PALB2: variants seen among roughly 807,000 people sequenced by gnomAD.
The protein encoded by PALB2 is partner and localizer of BRCA2.
PALB2 carries 82 observed loss-of-function variants against 107.4 expected under a neutral mutation model. That is an observed-to-expected ratio of 0.76 (90% CI 0.64 to 0.92). The LOEUF (loss-of-function observed/expected upper bound fraction) is 0.92, where lower values mean the gene tolerates loss of function less well. Ranked by LOEUF, PALB2 falls within the 40% of genes least tolerant of loss-of-function variation. The pLI, the probability that PALB2 is intolerant of heterozygous loss-of-function variation, is 0.00. For missense variants in PALB2, 1,374 were observed against 1,379.9 expected (o/e 1.00, Z 0.07); for synonymous variants, 489 against 496.8 (o/e 0.98, Z 0.21).
chr16:23,604,201 A>G (rs1268742241), intron 12 of PALB2, among the ~76,000 whole-genome samples: 2 of 152,130 alleles, frequency 1.3e-5, no homozygotes, highest in Non-Finnish European at 2.9e-5. Context: ...TTCAGTGGGA[A>G]TTTCCCCCAC....
intron 10 of PALB2, 118 bp from the exon 11 acceptor site, chr16:23,614,209 T>G: frequency 1.4e-6 from 1 of 718,652 alleles, no homozygotes. Context: ...AACTAAGAGC[T>G]CCTTAGTTTT....
At chr16:23,627,041 A>G (rs1288292524) in intron 6 of PALB2, among the ~76,000 whole-genome samples, 1 of 152,206 alleles carries the variant, frequency 6.6e-6, no homozygotes, top group Non-Finnish European at 1.5e-5. Flanking sequence ...CATGGGCTGA[A>G]ACCACAGGTT....
At chr16:23,615,869 G>A (rs1966676251) in intron 10 of PALB2, among the ~76,000 whole-genome samples, 1 of 151,840 alleles carries the variant, frequency 6.6e-6, no homozygotes, top group South Asian at 2.1e-4. Context: ...ACACCATGTC[G>A]GCCAGGCTGG....
rs545664784 is a variant in PALB2, at chr16:23,606,821, C to CT, written c.3350+1042dup. ...TACAGGCGTGAGCCACTGCACCCTGCTTTTTTTTTTTTTTTTTTGAGACGG... is the reference window on the plus strand; with the variant it reads ...TACAGGCGTGAGCCACTGCACCCTGCTTTTTTTTTTTTTTTTTTTGAGACGG... On this transcript the variant is annotated intron_variant, in intron 12 of 12. Transcript: ENST00000261584. Among the ~76,000 whole-genome samples, 309 of 108,530 alleles carry CT rather than the reference C, an allele frequency of 2.8e-3. 5 individuals are homozygous for CT. Among genetic ancestry groups the CT allele is most frequent in the South Asian group, 0.013 (41 of 3,152 alleles). 71.2% of individuals were successfully genotyped at this position (108,530 alleles called of 152,430 possible).
At position 23,630,087 on chromosome 16, in the gene PALB2, C is replaced by T. The variant is rs371149159; in HGVS notation, c.2067G>A (p.Ser689=). The T allele has an allele frequency of 4.3e-5, 70 of 1,613,996 alleles. No individual in the cohort carries two copies. The East Asian group carries it at 5.6e-4, about 13-fold the overall frequency. ...GGCCCGTCTTTGTATGCTGGCTTTG[C>T]GAGTTTGGCCTTTTGGGATGTGATT... ...PGKSHPKRPN[S]QSQHTKTGLS... Residue 689 remains serine, a synonymous_variant, in exon 5 of 13, where the codon TCG becomes TCA. Coordinates refer to ENST00000261584, the MANE Select transcript of PALB2 (RefSeq NM_024675.4).
chr16:23,603,475 A>G lies in PALB2; in HGVS notation c.3545T>C (p.Val1182Ala), dbSNP rs747149179. 2.5e-6 allele frequency: 4 copies of G among 1,613,078 alleles called. No individual in the cohort carries two copies. In the South Asian group the frequency reaches 3.3e-5, roughly 13 times the overall value. ...LAGQKDGNIF[V>A]YHYS is the part of the protein sequence containing the mutation. ...TACCCTAACTTATGAATAGTGGTAT[A>G]CAAATATATTTCCATCTTTTTGTCC... The change falls in exon 13 of 13, where the codon GTA (valine) becomes GCA (alanine). Residue 1182 changes from valine (V) to alanine (A), a missense_variant. Val to Ala is a moderately conservative substitution (Grantham distance 64). Transcript: ENST00000261584.
At position 23,638,278 on chromosome 16, in the gene PALB2, G is replaced by A. The variant is rs549261478; in HGVS notation, c.49-149C>T. On this transcript the variant is annotated intron_variant, in intron 1 of 12. Coordinates refer to ENST00000261584, the MANE Select transcript of PALB2 (RefSeq NM_024675.4). ...ACTTTTGGTTCTCAAAAAGCACCAA[G>A]CTCTGACCATTTCAGGATCTTTGCA... The A allele has an allele frequency of 9.6e-6, 7 of 728,316 alleles. No homozygotes were observed. The African/African-American group carries it at 1.0e-4, about 11-fold the overall frequency. 45.1% of individuals were successfully genotyped at this position (728,316 alleles called of 1,614,324 possible).
rs545664784 is a variant in PALB2 at position 23,606,821 on chromosome 16, C to CTTTTTT, written c.3350+1037_3350+1042dup. Reference sequence around the variant, plus strand: ...TACAGGCGTGAGCCACTGCACCCTGCTTTTTTTTTTTTTTTTTTGAGACGG... The same window carrying CTTTTTT: ...TACAGGCGTGAGCCACTGCACCCTGCTTTTTTTTTTTTTTTTTTTTTTTTGAGACGG... On this transcript the variant is annotated intron_variant, in intron 12 of 12. Transcript: ENST00000261584. Among the ~76,000 whole-genome samples the CTTTTTT allele has an allele frequency of 3.0e-3, 326 of 108,510 alleles. 12 individuals are homozygous for CTTTTTT. The highest frequency in any genetic ancestry group is 5.0e-3 in the African/African-American group (127 of 25,566). 71.2% of individuals were successfully genotyped at this position (108,510 alleles called of 152,430 possible).
rs199919863 is a variant in PALB2 at position 23,635,712 on chromosome 16, T to A, written c.834A>T (p.Leu278=). The change falls in exon 4 of 13, where the codon CTA becomes CTT. Residue 278 remains leucine (L), a synonymous_variant. Coordinates refer to ENST00000261584, the MANE Select transcript of PALB2 (RefSeq NM_024675.4). ...KGSSELTTHD[L]KNIRFTSPVS... ...CAGGTGAAGTAAATCTAATGTTTTTTAGGTCGTGAGTAGTAAGTTCACTGC... is the reference window on the plus strand; with the variant it reads ...CAGGTGAAGTAAATCTAATGTTTTTAAGGTCGTGAGTAGTAAGTTCACTGC... 46 of 1,614,204 alleles carry A rather than the reference T, an allele frequency of 2.8e-5. No individual in the cohort carries two copies. Among genetic ancestry groups the A allele is most frequent in the South Asian group, 2.4e-4 (22 of 91,084 alleles).
chr16:23,635,220 A>T lies in PALB2; in HGVS notation c.1326T>A (p.Asn442Lys). ...AATTTTTACTTGCATCCTTATTTTT[A>T]TTTTTAAACCCTTTTTTCTTGACAT... Reference protein sequence around the residue: ...HLDVKKKGFKNKNKDASKNLN... With the variant: ...HLDVKKKGFKKKNKDASKNLN... Residue 442 changes from asparagine to lysine, a missense_variant, in exon 4 of 13, where the codon AAT becomes AAA. Physicochemically the swap from Asn to Lys is moderately conservative, Grantham distance 94 (BLOSUM62 0). Coordinates refer to ENST00000261584, the MANE Select transcript of PALB2 (RefSeq NM_024675.4). The T allele has an allele frequency of 6.2e-7, 1 of 1,614,030 alleles. No individual in the cohort carries two copies. Among genetic ancestry groups the T allele is most frequent in the Non-Finnish European group, 8.5e-7 (1 of 1,180,010 alleles).
At chr16:23,608,085 A>C in intron 11 of PALB2, 73 bp from the exon 12 acceptor site, 1 of 1,501,448 alleles carries the variant, frequency 6.7e-7, no homozygotes, top group South Asian at 1.1e-5. Context: ...GATCTGGCAG[A>C]GACAAAAACC....
rs776216257 is a variant in PALB2, at chr16:23,630,377, G to C, written c.1777C>G (p.His593Asp). ...LDDDAFTAPFHRDGMLSLKQL... is the reference protein window; with the variant it reads ...LDDDAFTAPFDRDGMLSLKQL... ...TTTAAACTCAGCATTCCATCCCTAT[G>C]AAATGGAGCCGTGAAAGCATCATCA... is the stretch of plus-strand genomic sequence containing the variant. Residue 593 changes from histidine (H) to aspartate (D), a missense_variant, in exon 5 of 13, where the codon CAT (histidine) becomes GAT (aspartate). Transcript: ENST00000261584. 6.2e-7 allele frequency: 1 copy of C among 1,614,082 alleles called. No homozygotes were observed. Among genetic ancestry groups the C allele is most frequent in the South Asian group, 1.1e-5 (1 of 91,072 alleles).
In PALB2 at chr16:23,603,303, G is replaced by A; in HGVS notation, c.*156C>T. 1 of 644,618 alleles carries A rather than the reference G, an allele frequency of 1.6e-6. No homozygotes were observed. Among genetic ancestry groups the A allele is most frequent in the East Asian group, 2.8e-5 (1 of 36,126 alleles). 39.9% of individuals were successfully genotyped at this position (644,618 alleles called of 1,614,324 possible). ...ACATAAATGTACATCCAAGATCAGT[G>A]GTGCTACCATCATTAGAATAAAAAA... is the stretch of plus-strand genomic sequence containing the variant. On this transcript the variant is annotated 3_prime_UTR_variant, in exon 13 of 13. Coordinates refer to ENST00000261584, the MANE Select transcript of PALB2 (RefSeq NM_024675.4).
At chr16:23,608,801 T>TATATATAC (rs560756242) in intron 11 of PALB2, among the ~76,000 whole-genome samples, 1 of 143,810 alleles carries the variant, frequency 7.0e-6, no homozygotes, top group East Asian at 2.1e-4. Context: ...TGTATATATA[T>TATATATAC]ACACACACAC....
chr16:23,634,868 CT>C lies in PALB2; in HGVS notation c.1677del (p.Val560Ter), dbSNP rs515726073. The C allele has an allele frequency of 1.2e-6, 2 of 1,613,452 alleles. No homozygotes were observed. Among genetic ancestry groups the C allele is most frequent in the Non-Finnish European group, 1.7e-6 (2 of 1,179,610 alleles). ...HKYQHEKLFI[Q>X]VKGKKSRHQK... ...CAAACACATCTTGATTTACCTTTCACTTGAATAAATAATTTTTCGTGCTGAT... is the reference window on the plus strand; with the variant it reads ...CAAACACATCTTGATTTACCTTTCACTGAATAAATAATTTTTCGTGCTGAT... On this transcript the variant is annotated frameshift_variant, in exon 4 of 13. Transcript: ENST00000261584. LOFTEE classifies it high-confidence loss of function.
chr16:23,614,796 G>A (rs1180985496), intron 10 of PALB2, among the ~76,000 whole-genome samples: 2 of 148,806 alleles, frequency 1.3e-5, no homozygotes, highest in East Asian at 2.0e-4. Flanking sequence ...GACTACAGGC[G>A]CCCGCCACTA....
rs1967012032 is a variant in PALB2 at position 23,635,656 on chromosome 16, G to C, written c.890C>G (p.Thr297Ser). 2 of 1,614,032 alleles carry C rather than the reference G, an allele frequency of 1.2e-6. No homozygotes were observed. The highest frequency in any genetic ancestry group is 1.7e-6 in the Non-Finnish European group (2 of 1,179,900). Residue 297 changes from threonine to serine, a missense_variant, in exon 4 of 13, where the codon ACT becomes AGT. Thr to Ser is a moderately conservative substitution (Grantham distance 58). Coordinates refer to ENST00000261584, the MANE Select transcript of PALB2 (RefSeq NM_024675.4). ...TACAAGGAGGTTATCTGTAGAGACAGTCATTTTTTTGCCTTGTGCCTCCAA... is the reference window on the plus strand; with the variant it reads ...TACAAGGAGGTTATCTGTAGAGACACTCATTTTTTTGCCTTGTGCCTCCAA... Reference protein sequence around the residue: ...VSLEAQGKKMTVSTDNLLVNK... With the variant: ...VSLEAQGKKMSVSTDNLLVNK...
chr16:23,638,215 G>C, intron 1 of PALB2, 86 bp from the exon 2 acceptor site: 1 of 1,048,786 alleles, frequency 9.5e-7, no homozygotes, highest in Non-Finnish European at 1.5e-6. Flanking sequence ...GGGGTCCCTT[G>C]GCAAGAGGCA....
At chr16:23,638,220 G>A (rs1192757955) in intron 1 of PALB2, 91 bp from the exon 2 acceptor site, 1 of 965,160 alleles carries the variant, frequency 1.0e-6, no homozygotes, top group Non-Finnish European at 1.7e-6. Flanking sequence ...CCCTTGGCAA[G>A]AGGCAGGGAG....
Sources: allele counts gnomAD v4.1 joint callset (sites outside exome capture counted in the v4.1 genomes callset), GRCh38; gene constraint gnomAD v4.1.1; transcripts MANE v1.5; gene names NCBI Gene and HGNC (gene_info 2026-07-23, HGNC 2026-07-21).